The following PRDM15 variants were observed in gnomAD, a reference collection of about 807,000 sequenced individuals.
PRDM15 encodes PR domain zinc finger protein 15.
A neutral mutation model predicts 128.6 loss-of-function variants in PRDM15; 64 were observed. The observed-to-expected ratio is 0.50, with a 90% CI of 0.41 to 0.61. PRDM15 has a LOEUF of 0.61. PRDM15 is among the 20% of genes least tolerant of loss of function. The pLI is 0.00. For synonymous variants in PRDM15, 615 were observed against 621.8 expected (o/e 0.99, Z 0.16); for missense variants, 1,242 against 1,569.1 (o/e 0.79, Z 3.52).
In PRDM15 at chr21:41,825,971, C is replaced by A. The variant is rs1188317127; in HGVS notation, c.1618G>T (p.Val540Leu). The A allele has an allele frequency of 6.2e-7, 1 of 1,613,598 alleles. No homozygotes were observed. The highest frequency in any genetic ancestry group is 8.5e-7 in the Non-Finnish European group (1 of 1,179,604). ...RYKKEPSGCP[V>L]CGKVFSCRSN... ...ACTGCGAGCATTACCTTGCCACACA[C>A]CGGGCACCCGGAAGGCTCCTTCTTG... is the stretch of plus-strand genomic sequence containing the variant. The change falls in exon 13 of 24, where the codon GTG becomes TTG. Residue 540 changes from valine to leucine, a missense_variant. This residue lies in a region of PRDM15 where 28 missense variants were observed against 63.8 expected (regional missense o/e 0.44). Transcript: ENST00000398548.
chr21:41,817,791 G>C (rs374666176), intron 18 of PRDM15, among the ~76,000 whole-genome samples: 2 of 152,182 alleles, frequency 1.3e-5, no homozygotes, highest in Non-Finnish European at 2.9e-5. Context: ...GTGATAGCAC[G>C]ATGACAATAC....
intron 17 of PRDM15, 115 bp downstream of exon 17, chr21:41,819,980 T>C: frequency 2.2e-6 from 2 of 891,914 alleles, no homozygotes; most frequent in South Asian, 1.5e-5. Context: ...GAGGAAGGCA[T>C]GGGGGAGGCA....
At chr21:41,865,114 ATGCCTGCTCACTCCTC>A in intron 1 of PRDM15, among the ~76,000 whole-genome samples, 2 of 128,242 alleles carry the variant, frequency 1.6e-5, no homozygotes, top group East Asian at 2.4e-4. Flanking sequence ...CCTCTCTGCC[ATGCCTGCTCACTCCTC>A]AGTCCCCACT....
chr21:41,820,203 C>T (rs777963974), intron 16 of PRDM15, 29 bp from the exon 17 acceptor site: 41 of 1,594,882 alleles, frequency 2.6e-5, no homozygotes, highest in African/African-American at 2.1e-4. Context: ...TCAGGATGGC[C>T]GCACAGCCTC....
intron 12 of PRDM15, among the ~76,000 whole-genome samples, chr21:41,827,807 T>C (rs866027328): frequency 3.3e-5 from 5 of 152,236 alleles, no homozygotes; most frequent in African/African-American, 1.2e-4. Context: ...TTCTGTCATA[T>C]TGAAAGCATT....
At position 41,862,640 on chromosome 21, in the gene PRDM15, C is replaced by T. The variant is rs546302854; in HGVS notation, c.-9-2268G>A. ...TCCCCAAAATGAGGCCTCTCTAAAA[C>T]GGCTCCTCTGGGCCCAAGATCAGAG... On this transcript the variant is annotated intron_variant, in intron 1 of 23. Coordinates refer to ENST00000398548, the MANE Select transcript of PRDM15 (RefSeq NM_001040424.3). The surrounding 1 kb of genome is among the most constrained non-coding windows in gnomAD (Gnocchi z 4.1). Among the ~76,000 whole-genome samples the T allele has an allele frequency of 7.2e-5, 11 of 152,252 alleles. No homozygotes were observed. The highest frequency in any genetic ancestry group is 2.4e-4 in the African/African-American group (10 of 41,558).
chr21:41,870,170 C>T (rs2064161328), intron 1 of PRDM15, among the ~76,000 whole-genome samples: 1 of 152,212 alleles, frequency 6.6e-6, no homozygotes, highest in African/African-American at 2.4e-5. Context: ...CTCAGATTCA[C>T]ATATGTAATT....
In PRDM15 at chr21:41,828,555, G is replaced by T. The variant is rs1195699646; in HGVS notation, c.1367-222C>A. 2.0e-5 allele frequency among the ~76,000 whole-genome samples: 3 copies of T among 151,806 alleles called. No individual in the cohort carries two copies. On this transcript the variant is annotated intron_variant, in intron 11 of 23. Coordinates refer to ENST00000398548, the MANE Select transcript of PRDM15 (RefSeq NM_001040424.3). The surrounding 1 kb of genome is among the most constrained non-coding windows in gnomAD (Gnocchi z 5.7). Reference sequence around the variant, plus strand: ...CCGGTGCTTGAAAAGCAGACACGGAGCTCACCTTTCATCACCAAGCAACGC... The same window carrying T: ...CCGGTGCTTGAAAAGCAGACACGGATCTCACCTTTCATCACCAAGCAACGC...
rs1228814045 is a variant in PRDM15 at position 41,823,345 on chromosome 21, G to C, written c.1734C>G (p.Leu578=). The C allele has an allele frequency of 6.2e-7, 1 of 1,606,418 alleles. No individual in the cohort carries two copies. The highest frequency in any genetic ancestry group is 1.3e-5 in the African/African-American group (1 of 74,714). The change falls in exon 14 of 24, where the codon CTC becomes CTG. Residue 578 remains leucine (L), a synonymous_variant. Coordinates refer to ENST00000398548, the MANE Select transcript of PRDM15 (RefSeq NM_001040424.3). ...CGRKFFRVDV[L]RDHIHVHFKD... is the part of the protein sequence containing the mutation. ...TGAAGTGGACATGGATGTGGTCCCT[G>C]AGCACATCCACGCGGAAGAACTTGC...
At chr21:41,878,095 AAGG>A (rs780866989) in intron 1 of PRDM15, among the ~76,000 whole-genome samples, 7 of 152,244 alleles carry the variant, frequency 4.6e-5, no homozygotes, top group African/African-American at 1.4e-4. Flanking sequence ...TGCATTCTCC[AAGG>A]AGAACTGTCA....
chr21:41,810,186 T>A lies in PRDM15; in HGVS notation c.2620A>T (p.Met874Leu). ...CGTKVSTRAS[M>L]SRHMRRKHPE... The stretch of plus-strand genomic sequence containing the variant: ...TGCTTGCGCCGCATGTGTCGGCTCA[T>A]GGAGGCCCTGGTGGACACCTTGGTC... The change falls in exon 21 of 24, where the codon ATG becomes TTG. Residue 874 changes from methionine to leucine, a missense_variant. Met to Leu is a conservative substitution (Grantham distance 15, BLOSUM62 2). Around this residue, in one of 3 missense-constraint regions of PRDM15, gnomAD observed 602 missense variants for 788.3 expected, o/e 0.76. Coordinates refer to ENST00000398548, the MANE Select transcript of PRDM15 (RefSeq NM_001040424.3). The surrounding 1 kb of genome is among the most constrained non-coding windows in gnomAD (Gnocchi z 6.4). 6.2e-7 allele frequency: 1 copy of A among 1,611,908 alleles called. No homozygotes were observed. The highest frequency in any genetic ancestry group is 8.5e-7 in the Non-Finnish European group (1 of 1,179,598).
At position 41,804,641 on chromosome 21, in the gene PRDM15, G is replaced by A. The variant is rs918589660; in HGVS notation, c.2653-27C>T. On this transcript the variant is annotated intron_variant, in intron 21 of 23. Coordinates refer to ENST00000398548, the MANE Select transcript of PRDM15 (RefSeq NM_001040424.3). ...TATGAGGAGCACAGGGCATGAGCTG[G>A]GGGTCAGGGTGCTGCTGATGCAGGT... 14 of 1,523,108 alleles carry A rather than the reference G, an allele frequency of 9.2e-6. No individual in the cohort carries two copies. The African/African-American group carries it at 1.9e-4, about 21-fold the overall frequency. The allele number at this position is 1,523,108 out of a possible 1,614,324, so 94.3% of individuals were successfully genotyped here.
intron 1 of PRDM15, among the ~76,000 whole-genome samples, chr21:41,864,693 A>G (rs62214700): frequency 0.11 from 16,235 of 152,000 alleles, 919 homozygotes; most frequent in Middle Eastern, 0.2. Flanking sequence ...GGGTCTCCAG[A>G]TAACTCTTCC....
chr21:41,859,164 T>C lies in PRDM15; in HGVS notation c.131+428A>G, dbSNP rs147293909. On this transcript the variant is annotated intron_variant, in intron 3 of 23. Coordinates refer to ENST00000398548, the MANE Select transcript of PRDM15 (RefSeq NM_001040424.3). The surrounding 1 kb of genome is among the most constrained non-coding windows in gnomAD (Gnocchi z 5.3). ...AGCTGCTGTGGGTCAGCCCTGTCCC[T>C]GTCCTCATAACCCCGCATCCCCTGC... 66 of 1,613,968 alleles carry C rather than the reference T, an allele frequency of 4.1e-5. No individual in the cohort carries two copies. In the African/African-American group the frequency reaches 7.3e-4, roughly 18 times the overall value.
intron 6 of PRDM15, among the ~76,000 whole-genome samples, chr21:41,842,177 G>A (rs2063092681): frequency 6.6e-6 from 1 of 152,166 alleles, no homozygotes; most frequent in East Asian, 1.9e-4. Flanking sequence ...TGATAAGTCT[G>A]GCAAGAAAAA....
At chr21:41,878,569 C>T in intron 1 of PRDM15, 1 of 483,382 alleles carries the variant, frequency 2.1e-6, no homozygotes, top group South Asian at 2.8e-5. Flanking sequence ...CCGGGCACGC[C>T]CCGTCCCCGA....
At chr21:41,868,935 G>A (rs1341096471) in intron 1 of PRDM15, among the ~76,000 whole-genome samples, 1 of 152,020 alleles carries the variant, frequency 6.6e-6, no homozygotes, top group East Asian at 1.9e-4. Context: ...TGATCCACCC[G>A]CCTCGGCCTC....
intron 11 of PRDM15, among the ~76,000 whole-genome samples, chr21:41,831,436 C>A (rs542418256): frequency 3.3e-5 from 5 of 152,354 alleles, no homozygotes; most frequent in African/African-American, 9.6e-5. Context: ...CAAACGCCCT[C>A]CACTCTCCAC....
At chr21:41,870,759 G>A (rs1392553974) in intron 1 of PRDM15, 2 of 152,270 alleles carry the variant, frequency 1.3e-5, no homozygotes, top group South Asian at 2.1e-4. Flanking sequence ...TGATGAACGT[G>A]CTCAAGAAGG....
Sources: gnomAD v4.1 joint callset for allele counts (sites outside exome capture counted in the v4.1 genomes callset) on GRCh38, gnomAD v4.1.1 for gene constraint, gnomAD v4.1.1 regional missense constraint, Gnocchi (gnomAD v3.1) non-coding constraint, MANE v1.5 for transcripts, NCBI Gene and HGNC (gene_info 2026-07-23, HGNC 2026-07-21) for gene names.